The following CAPN7 variants were observed in gnomAD, a reference collection of about 807,000 sequenced individuals.
CAPN7 encodes the protein calpain-7.
CAPN7 carries 72 observed loss-of-function variants against 115.2 expected under a neutral mutation model. The ratio of observed to expected loss-of-function variants is 0.63; its 90% CI spans 0.52 to 0.76. The LOEUF (loss-of-function observed/expected upper bound fraction) is 0.76, where lower values mean the gene tolerates loss of function less well. Among genes scored for constraint, CAPN7 ranks in the 30% least tolerant of loss-of-function variants. The probability of loss-of-function intolerance (pLI) is 0.00; values close to 1 mark genes in which losing one functional copy is unlikely to be tolerated. For synonymous variants in CAPN7, 344 were observed against 322.3 expected, an observed-to-expected ratio of 1.07 and a Z score of -0.72; for missense variants, 905 against 971.5, an observed-to-expected ratio of 0.93 and a Z score of 0.91.
At chr3:15,219,706 T>C (rs1000080514) in intron 4 of CAPN7, among the ~76,000 whole-genome samples, 11 of 152,234 alleles carry the variant, frequency 7.2e-5, no homozygotes, top group Non-Finnish European at 1.3e-4. Context: ...TTTCAGAGTT[T>C]TCACAAGAAT....
chr3:15,244,043 A>T (rs1317172049), intron 16 of CAPN7, among the ~76,000 whole-genome samples: 1 of 152,254 alleles, frequency 6.6e-6, no homozygotes, highest in African/African-American at 2.4e-5. Context: ...CTAGAAGCCC[A>T]GTTGGATTGG....
At position 15,241,468 on chromosome 3, in the gene CAPN7, G is replaced by A. The variant is rs543202565; in HGVS notation, c.1668G>A (p.Lys556=). The A allele has an allele frequency of 1.2e-6, 2 of 1,613,958 alleles. No individual in the cohort carries two copies. Among genetic ancestry groups the A allele is most frequent in the East Asian group, 4.5e-5 (2 of 44,882 alleles). ...TATCTTTTAGTACTTGGGATGCTAA[G>A]CAAGGACCTGTGAAAGATGCCTATA... The part of the protein sequence containing the change: ...STCIHSTWDA[K]QGPVKDAYSL... The change falls in exon 15 of 21, where the codon AAG becomes AAA. Residue 556 remains lysine, a synonymous_variant. Transcript: ENST00000253693.
intron 2 of CAPN7, among the ~76,000 whole-genome samples, chr3:15,213,559 G>A (rs1337675247): frequency 6.6e-6 from 1 of 152,258 alleles, no homozygotes; most frequent in South Asian, 2.1e-4. Flanking sequence ...GCAGCCTAAG[G>A]TATATTTCCA....
intron 5 of CAPN7, among the ~76,000 whole-genome samples, chr3:15,222,243 A>G (rs1485795018): frequency 1.3e-5 from 2 of 152,168 alleles, no homozygotes; most frequent in African/African-American, 4.8e-5. Context: ...CTCTGGGCAC[A>G]CTGCCTATGG....
intron 1 of CAPN7, among the ~76,000 whole-genome samples, chr3:15,210,625 T>C (rs2044885616): frequency 7.0e-6 from 1 of 142,140 alleles, no homozygotes; most frequent in Admixed American, 7.1e-5. Flanking sequence ...GACAGTATCT[T>C]ACTCTGTCAC....
chr3:15,238,697 T>C (rs1695151667), intron 12 of CAPN7, among the ~76,000 whole-genome samples: 1 of 152,132 alleles, frequency 6.6e-6, no homozygotes, highest in African/African-American at 2.4e-5. Context: ...TGAGGTGATG[T>C]TTCATAGTCT....
chr3:15,214,115 C>T (rs1246084375), intron 2 of CAPN7, among the ~76,000 whole-genome samples: 2 of 152,164 alleles, frequency 1.3e-5, no homozygotes, highest in South Asian at 2.1e-4. Context: ...CTCCTGACCT[C>T]GTGATCCACC....
At chr3:15,229,929 G>A (rs1185652796) in intron 8 of CAPN7, among the ~76,000 whole-genome samples, 3 of 152,074 alleles carry the variant, frequency 2.0e-5, no homozygotes, top group Non-Finnish European at 4.4e-5. Flanking sequence ...AGTCCTAAGA[G>A]TATAAAGATG....
rs1458066375 is a variant in CAPN7, at chr3:15,242,187, G to T, written c.1798G>T (p.Ala600Ser). The T allele has an allele frequency of 2.5e-6, 4 of 1,598,606 alleles. No individual in the cohort carries two copies. Among genetic ancestry groups the T allele is most frequent in the African/African-American group, 2.7e-5 (2 of 74,420 alleles). ...TTCTTTGTGATTTTAGGATGATTTT[G>T]CGAATAATCGAGAATTTATCACAAT... ...SRHITDKDDFANNREFITMVV... is the reference protein window; with the variant it reads ...SRHITDKDDFSNNREFITMVV... The change falls in exon 16 of 21, where the codon GCG (alanine) becomes TCG (serine). Residue 600 changes from alanine to serine, a missense_variant. Around this residue, in one of 3 missense-constraint regions of CAPN7, gnomAD observed 620 missense variants for 703.4 expected, o/e 0.88. Transcript: ENST00000253693.
intron 16 of CAPN7, among the ~76,000 whole-genome samples, chr3:15,245,101 C>G (rs1284505842): frequency 4.4e-5 from 6 of 137,082 alleles, no homozygotes; most frequent in African/African-American, 1.8e-4. Flanking sequence ...TATGAAAAGG[C>G]TAGAATGACC....
chr3:15,229,430 AT>A (rs1421549905), intron 8 of CAPN7, among the ~76,000 whole-genome samples: 3 of 152,180 alleles, frequency 2.0e-5, no homozygotes, highest in African/African-American at 7.2e-5. Flanking sequence ...CAAGTGTAAA[AT>A]GCATGAGATT....
intron 17 of CAPN7, chr3:15,246,457 T>A: frequency 2.6e-6 from 1 of 382,748 alleles, no homozygotes; most frequent in East Asian, 5.5e-5. Context: ...GAAAGGGACA[T>A]TGGGAGCTGC....
intron 12 of CAPN7, among the ~76,000 whole-genome samples, chr3:15,237,096 A>G (rs1208253474): frequency 1.3e-5 from 2 of 152,232 alleles, no homozygotes. Flanking sequence ...GAGCAGCCCA[A>G]TAATAAATTA....
intron 8 of CAPN7, among the ~76,000 whole-genome samples, chr3:15,229,561 C>CTTTTTTTTTTTTTTTTTTTTT (rs566957976): frequency 1.1e-5 from 1 of 87,836 alleles, no homozygotes; most frequent in African/African-American, 4.1e-5. Context: ...TACTTTTTTT[C>CTTTTTTTTTTTTTTTTTTTTT]TTTTTTTTTT....
intron 16 of CAPN7, 72 bp from the exon 17 acceptor site, chr3:15,245,454 T>G: frequency 1.4e-6 from 2 of 1,406,120 alleles, no homozygotes; most frequent in African/African-American, 2.9e-5. Flanking sequence ...AAGTAATTAT[T>G]TTTCCTACAT....
chr3:15,251,094 T>C, intron 20 of CAPN7, 22 bp from the exon 21 acceptor site: 2 of 1,600,812 alleles, frequency 1.2e-6, no homozygotes, highest in Non-Finnish European at 1.7e-6. Context: ...ATAAACCTTA[T>C]TCTCATTTTC....
Position 15,217,527 on chromosome 3 carries a change from A to G in CAPN7, c.314A>G (p.Asn105Ser), listed in dbSNP as rs749511577. The G allele has an allele frequency of 8.7e-6, 14 of 1,613,932 alleles. No homozygotes were observed. In the South Asian group the frequency reaches 1.3e-4, roughly 15 times the overall value. ...TQAFDEDEKE[N>S]VEDAIELYTE... is the part of the protein sequence containing the mutation. ...GCTTTTGATGAAGATGAAAAAGAGA[A>G]TGTTGAAGATGCTATAGAATTGTAC... Residue 105 changes from asparagine (N) to serine (S), a missense_variant, in exon 3 of 21, where the codon AAT becomes AGT. This residue lies in a region of CAPN7 where 271 missense variants were observed against 239.6 expected (regional missense o/e 1.13). Transcript: ENST00000253693.
chr3:15,223,447 A>G, intron 5 of CAPN7, 28 bp from the exon 6 acceptor site: 3 of 1,399,160 alleles, frequency 2.1e-6, no homozygotes, highest in Non-Finnish European at 3.0e-6. Context: ...AAACTTGAAC[A>G]TTTAGGTTTT....
rs1288434727 is a variant in CAPN7, at chr3:15,241,561, T to G, written c.1761T>G (p.Val587=). Residue 587 remains valine (V), a synonymous_variant, in exon 15 of 21, where the codon GTT becomes GTG. Transcript: ENST00000253693. ...QCPQGGAAVW[V]LLSRHITDKD... ...CACAGGGGGGTGCTGCAGTTTGGGT[T>G]TTGCTTAGTAGACACATAACAGACA... is the stretch of plus-strand genomic sequence containing the variant. 6.2e-7 allele frequency: 1 copy of G among 1,613,944 alleles called. No individual in the cohort carries two copies. Among genetic ancestry groups the G allele is most frequent in the East Asian group, 2.2e-5 (1 of 44,882 alleles).
Sources: gnomAD v4.1 joint callset for allele counts (sites outside exome capture counted in the v4.1 genomes callset) on GRCh38, gnomAD v4.1.1 for gene constraint, gnomAD v4.1.1 regional missense constraint, MANE v1.5 for transcripts, NCBI Gene and HGNC (gene_info 2026-07-23, HGNC 2026-07-21) for gene names.